The following F13A1 variants were observed in gnomAD, a reference collection of about 807,000 sequenced individuals.
F13A1 encodes FSF, A subunit.
A neutral mutation model predicts 80.1 loss-of-function variants in F13A1; 47 were observed. The observed-to-expected ratio is 0.59, with a 90% CI of 0.46 to 0.75. The LOEUF is 0.75. F13A1 is among the 30% of genes least tolerant of loss of function. F13A1 has a pLI of 0.00. For synonymous variants in F13A1, 349 were observed against 344.9 expected (o/e 1.01, Z -0.13); for missense variants, 817 against 930.4 (o/e 0.88, Z 1.59).
intron 3 of F13A1, among the ~76,000 whole-genome samples, chr6:6,296,641 T>C (rs1758332382): frequency 1.3e-5 from 2 of 149,752 alleles, no homozygotes; most frequent in South Asian, 2.1e-4. Flanking sequence ...TTAAGGAGCT[T>C]TTGGGCTGAG....
chr6:6,243,068 C>A lies in F13A1; in HGVS notation c.798+5244G>T, dbSNP rs1757504172. ...CTGGTAGATTGCCATAAACATTTGTCAAACAAATGAGTAAATACTGAGTGT... is the reference window on the plus strand; with the variant it reads ...CTGGTAGATTGCCATAAACATTTGTAAAACAAATGAGTAAATACTGAGTGT... On this transcript the variant is annotated intron_variant, in intron 6 of 14. Coordinates refer to ENST00000264870, the MANE Select transcript of F13A1 (RefSeq NM_000129.4). The surrounding 1 kb of genome is among the most constrained non-coding windows in gnomAD (Gnocchi z 4.2). Among the ~76,000 whole-genome samples, 1 of 152,136 alleles carries A rather than the reference C, an allele frequency of 6.6e-6. No individual in the cohort carries two copies. The highest frequency in any genetic ancestry group is 1.5e-5 in the Non-Finnish European group (1 of 68,026).
At chr6:6,280,932 G>C (rs1174293973) in intron 3 of F13A1, among the ~76,000 whole-genome samples, 1 of 152,120 alleles carries the variant, frequency 6.6e-6, no homozygotes, top group Non-Finnish European at 1.5e-5. Flanking sequence ...TTAAATTCCA[G>C]AGTGCTTTAA....
chr6:6,221,935 A>T, intron 8 of F13A1, 98 bp downstream of exon 8: 1 of 1,434,680 alleles, frequency 7.0e-7, no homozygotes, highest in Non-Finnish European at 9.7e-7. Flanking sequence ...AATGGTCCTC[A>T]AAATAGAACA....
chr6:6,302,781 G>A (rs1758452289), intron 3 of F13A1, among the ~76,000 whole-genome samples: 1 of 152,170 alleles, frequency 6.6e-6, no homozygotes, highest in Non-Finnish European at 1.5e-5. Context: ...AGCTCCATCA[G>A]AATCTCATAA....
At position 6,189,553 on chromosome 6, in the gene F13A1, CCA is replaced by C. The variant is rs1484476775; in HGVS notation, c.1305+6242_1305+6243del. Among the ~76,000 whole-genome samples, 5 of 144,240 alleles carry C rather than the reference CCA, an allele frequency of 3.5e-5. 1 individual carries two copies. The highest frequency in any genetic ancestry group is 7.7e-5 in the Non-Finnish European group (5 of 65,154). The allele number at this position is 144,240 out of a possible 152,430, so 94.6% of individuals were successfully genotyped here. A position where few individuals can be genotyped will look rare whatever the true frequency, so the allele number is the denominator to read the frequency against. The stretch of plus-strand genomic sequence containing the variant: ...CTTTAAGAATGTTGAATATTGGCCC[CCA>C]CTCTCTTCTGGCTTGTAGAGTTTCT... On this transcript the variant is annotated intron_variant, in intron 10 of 14. Transcript: ENST00000264870.
intron 12 of F13A1, chr6:6,169,521 T>C (rs1760735263): frequency 6.5e-6 from 1 of 154,032 alleles, no homozygotes; most frequent in Non-Finnish European, 1.5e-5. Flanking sequence ...GGGTTTTAAA[T>C]TGAAAGGCCT....
intron 3 of F13A1, among the ~76,000 whole-genome samples, chr6:6,304,561 T>G (rs550496089): frequency 1.9e-3 from 292 of 152,260 alleles, no homozygotes; most frequent in African/African-American, 6.9e-3. Flanking sequence ...GCATCGTTAA[T>G]CTTCAAGAGG....
chr6:6,252,398 C>T (rs1757645314), intron 4 of F13A1, among the ~76,000 whole-genome samples: 1 of 152,116 alleles, frequency 6.6e-6, no homozygotes, highest in African/African-American at 2.4e-5. Context: ...CATACATACA[C>T]ACATATGTAC....
chr6:6,290,897 T>G (rs1758215410), intron 3 of F13A1, among the ~76,000 whole-genome samples: 1 of 152,224 alleles, frequency 6.6e-6, no homozygotes, highest in Non-Finnish European at 1.5e-5. Context: ...AATAGTTATC[T>G]ACACGTTACA....
At chr6:6,164,084 G>C (rs1341444128) in intron 13 of F13A1, among the ~76,000 whole-genome samples, 2 of 151,846 alleles carry the variant, frequency 1.3e-5, no homozygotes, top group African/African-American at 4.8e-5. Flanking sequence ...CCAATAACCA[G>C]CATCTATAAG....
intron 2 of F13A1, 193 bp from the exon 3 acceptor site, chr6:6,305,732 A>C: frequency 1.7e-6 from 1 of 603,634 alleles, no homozygotes; most frequent in East Asian, 2.9e-5. Flanking sequence ...TTTTGAAGAG[A>C]GCTTTTTAAA....
chr6:6,304,363 G>A (rs976224787), intron 3 of F13A1, among the ~76,000 whole-genome samples: 3 of 152,018 alleles, frequency 2.0e-5, no homozygotes, highest in Non-Finnish European at 2.9e-5. Flanking sequence ...GATTTCCTAT[G>A]TTGTGCCACC....
In F13A1 at chr6:6,145,025, C is replaced by G; in HGVS notation, c.*594G>C. ...GCAATTTGTTAATATGGGGCCACCT[C>G]TTCTAACAAGGTAAATCTAAAATTT... is the stretch of plus-strand genomic sequence containing the variant. On this transcript the variant is annotated 3_prime_UTR_variant, in exon 15 of 15. Coordinates refer to ENST00000264870, the MANE Select transcript of F13A1 (RefSeq NM_000129.4). 6.3e-6 allele frequency: 1 copy of G among 159,642 alleles called. No individual in the cohort carries two copies. The highest frequency in any genetic ancestry group is 1.4e-5 in the Non-Finnish European group (1 of 72,256). 9.9% of individuals were successfully genotyped at this position (159,642 alleles called of 1,614,324 possible).
intron 8 of F13A1, among the ~76,000 whole-genome samples, chr6:6,215,178 T>C (rs1430367771): frequency 7.6e-6 from 1 of 132,448 alleles, no homozygotes; most frequent in Non-Finnish European, 1.7e-5. Flanking sequence ...TAACTCATTT[T>C]ATGAGGCCAG....
At chr6:6,308,461 T>TA (rs35426137) in intron 2 of F13A1, among the ~76,000 whole-genome samples, 16,655 of 143,698 alleles carry the variant, frequency 0.12, 1,265 homozygotes, top group African/African-American at 0.22. Context: ...GGTTTTTCTG[T>TA]AAAAAAAAAA....
intron 2 of F13A1, among the ~76,000 whole-genome samples, chr6:6,313,431 C>T (rs74546196): frequency 0.034 from 5,146 of 151,968 alleles, 132 homozygotes; most frequent in Non-Finnish European, 0.051. Flanking sequence ...AAAAAATCTC[C>T]GGAGGAGCAA....
In F13A1 at chr6:6,145,182, AGGGGACTGG is replaced by A; in HGVS notation, c.*428_*436del. The stretch of plus-strand genomic sequence containing the variant: ...GGAGGGTAGAACCTGACCCCGAGAA[AGGGGACTGG>A]AATTCTAGAGCCCAAATCATGTGCT... On this transcript the variant is annotated 3_prime_UTR_variant, in exon 15 of 15. Coordinates refer to ENST00000264870, the MANE Select transcript of F13A1 (RefSeq NM_000129.4). 2 of 211,446 alleles carry A rather than the reference AGGGGACTGG, an allele frequency of 9.5e-6. No homozygotes were observed. Among genetic ancestry groups the A allele is most frequent in the East Asian group, 2.6e-4 (2 of 7,798 alleles). The allele number at this position is 211,446 out of a possible 1,614,324, so 13.1% of individuals were successfully genotyped here.
At chr6:6,159,308 G>A (rs999352088) in intron 13 of F13A1, among the ~76,000 whole-genome samples, 3 of 152,092 alleles carry the variant, frequency 2.0e-5, no homozygotes, top group South Asian at 2.1e-4. Flanking sequence ...GGTCCATCCC[G>A]GTGGGTTTCC....
intron 5 of F13A1, 69 bp from the exon 6 acceptor site, chr6:6,248,488 A>G: frequency 8.2e-7 from 1 of 1,222,272 alleles, no homozygotes. Flanking sequence ...TCTGATGAAA[A>G]ATAACATGAA....
Sources: gnomAD v4.1 joint callset for allele counts (sites outside exome capture counted in the v4.1 genomes callset) on GRCh38, gnomAD v4.1.1 for gene constraint, Gnocchi (gnomAD v3.1) non-coding constraint, MANE v1.5 for transcripts, NCBI Gene and HGNC (gene_info 2026-07-23, HGNC 2026-07-21) for gene names.